PRKD1: variants seen among roughly 807,000 people sequenced by gnomAD.
PRKD1 encodes the protein protein kinase D1, also known as serine/threonine-protein kinase D1.
A neutral mutation model predicts 95.9 loss-of-function variants in PRKD1; 63 were observed. That is an observed-to-expected ratio of 0.66 (90% CI 0.54 to 0.81). The LOEUF (loss-of-function observed/expected upper bound fraction) is 0.81, where lower values mean the gene tolerates loss of function less well. Among genes scored for constraint, PRKD1 ranks in the 30% least tolerant of loss-of-function variants. The pLI is 0.00. For missense variants in PRKD1, 1,048 were observed against 1,165.3 expected, an observed-to-expected ratio of 0.90 and a Z score of 1.47; for synonymous variants, 425 against 423.1, an observed-to-expected ratio of 1.00 and a Z score of -0.05.
At chr14:29,609,502 GCGTGCACAC>G (rs1878275180) in intron 13 of PRKD1, among the ~76,000 whole-genome samples, 1 of 76,020 alleles carries the variant, frequency 1.3e-5, no homozygotes, top group East Asian at 4.1e-4. Flanking sequence ...GTGTGTGTGT[GCGTGCACAC>G]ACACACACAC....
intron 2 of PRKD1, among the ~76,000 whole-genome samples, chr14:29,690,782 C>T (rs545894918): frequency 6.6e-6 from 1 of 152,320 alleles, no homozygotes; most frequent in South Asian, 2.1e-4. Flanking sequence ...TGTATGTGCA[C>T]TCTCTTGGTT....
intron 1 of PRKD1, among the ~76,000 whole-genome samples, chr14:29,728,707 T>G (rs993907650): frequency 6.6e-6 from 1 of 152,156 alleles, no homozygotes; most frequent in Non-Finnish European, 1.5e-5. Context: ...TTTTCCAGTT[T>G]GCAGCTATTA....
intron 2 of PRKD1, among the ~76,000 whole-genome samples, chr14:29,714,217 T>C (rs1885481305): frequency 6.6e-6 from 1 of 152,186 alleles, no homozygotes; most frequent in African/African-American, 2.4e-5. Flanking sequence ...GAATTTGTGC[T>C]GTAAGGAAAT....
At position 29,683,295 on chromosome 14, in the gene PRKD1, C is replaced by T. The variant is rs536006118; in HGVS notation, c.404-17087G>A. On this transcript the variant is annotated intron_variant, in intron 2 of 17. Coordinates refer to ENST00000331968, the MANE Select transcript of PRKD1 (RefSeq NM_002742.3). ...AATTGAAAAAAGCGGTCAACAGTGA[C>T]AATGAGCCCTTACAACTGACCAGGA... Among the ~76,000 whole-genome samples, 120 of 152,272 alleles carry T rather than the reference C, an allele frequency of 7.9e-4. 1 individual carries two copies. In the South Asian group the frequency reaches 0.025, roughly 31 times the overall value.
intron 4 of PRKD1, among the ~76,000 whole-genome samples, chr14:29,662,976 C>T (rs554809154): frequency 1.4e-3 from 204 of 148,828 alleles, no homozygotes; most frequent in Non-Finnish European, 2.5e-3. Context: ...TATTTTGTTT[C>T]GAATGTTTGG....
At chr14:29,611,683 C>A (rs943946645) in intron 13 of PRKD1, among the ~76,000 whole-genome samples, 2 of 151,128 alleles carry the variant, frequency 1.3e-5, no homozygotes, top group Non-Finnish European at 2.9e-5. Context: ...GACCCCCTTC[C>A]CTTCACACCA....
chr14:29,689,394 A>T (rs537243376), intron 2 of PRKD1, among the ~76,000 whole-genome samples: 257 of 152,350 alleles, frequency 1.7e-3, no homozygotes, highest in Admixed American at 4.2e-3. Context: ...AATACAAATC[A>T]AAATCTCAAT....
rs775376594 is a variant in PRKD1, at chr14:29,632,946, G to A, written c.1315C>T (p.Arg439Trp). ...MVHYTSKDTL[R>W]KRHYWRLDSK... Reference sequence around the variant, plus strand: ...TCCAATCTCCAATAGTGCCGTTTCCGCTGAAACAGAAGTTAGATCCAAGAT... The same window carrying A: ...TCCAATCTCCAATAGTGCCGTTTCCACTGAAACAGAAGTTAGATCCAAGAT... The change falls in exon 9 of 18, where the codon CGG becomes TGG. Residue 439 changes from arginine (R) to tryptophan (W), a missense_variant and splice_region_variant. Coordinates refer to ENST00000331968, the MANE Select transcript of PRKD1 (RefSeq NM_002742.3). 12 of 1,611,572 alleles carry A rather than the reference G, an allele frequency of 7.4e-6. No individual in the cohort carries two copies. The highest frequency in any genetic ancestry group is 1.7e-4 in the Middle Eastern group (1 of 6,052).
chr14:29,579,745 A>G (rs147265910), intron 16 of PRKD1, among the ~76,000 whole-genome samples: 1 of 152,318 alleles, frequency 6.6e-6, no homozygotes, highest in African/African-American at 2.4e-5. Context: ...GTAGAGTCAA[A>G]TATCAAACAA....
rs117183216 is a variant in PRKD1 at position 29,845,097 on chromosome 14, T to A, written c.264+82152A>T. Among the ~76,000 whole-genome samples, 1,244 of 152,310 alleles carry A rather than the reference T, an allele frequency of 8.2e-3. 7 individuals are homozygous for A. Among genetic ancestry groups the A allele is most frequent in the Admixed American group, 0.015 (222 of 15,288 alleles). On this transcript the variant is annotated intron_variant, in intron 1 of 17. Coordinates refer to ENST00000331968, the MANE Select transcript of PRKD1 (RefSeq NM_002742.3). ...AAAAGGAGACTAAATTAGGAAAGCA[T>A]CTAGTAGTCACTGCCAAGACTGTTT...
chr14:29,776,973 G>A (rs1888791787), intron 1 of PRKD1, among the ~76,000 whole-genome samples: 1 of 152,194 alleles, frequency 6.6e-6, no homozygotes, highest in South Asian at 2.1e-4. Flanking sequence ...AGCCAGAAGA[G>A]AGTGGGGGCC....
rs1459632932 is a variant in PRKD1 at position 29,712,455 on chromosome 14, G to A, written c.403+13081C>T. Among the ~76,000 whole-genome samples, 4 of 152,060 alleles carry A rather than the reference G, an allele frequency of 2.6e-5. No individual in the cohort carries two copies. The South Asian group carries it at 6.2e-4, about 24-fold the overall frequency. On this transcript the variant is annotated intron_variant, in intron 2 of 17. Coordinates refer to ENST00000331968, the MANE Select transcript of PRKD1 (RefSeq NM_002742.3). ...TTTTTCATTTTCTAGAAACTGAAAGGCTGAAATTGCTTTATAACATGAAAA... is the reference window on the plus strand; with the variant it reads ...TTTTTCATTTTCTAGAAACTGAAAGACTGAAATTGCTTTATAACATGAAAA...
intron 2 of PRKD1, among the ~76,000 whole-genome samples, chr14:29,682,978 G>C (rs1401054418): frequency 6.6e-6 from 1 of 152,172 alleles, no homozygotes; most frequent in Non-Finnish European, 1.5e-5. Context: ...AGGGGAGCCA[G>C]GCCTTGTGTA....
intron 2 of PRKD1, among the ~76,000 whole-genome samples, chr14:29,694,833 G>A (rs1051864398): frequency 6.6e-6 from 1 of 152,100 alleles, no homozygotes; most frequent in African/African-American, 2.4e-5. Context: ...TCCAGGTAAG[G>A]GGAATAGCAT....
chr14:29,699,780 ATTCTTTGT>A (rs1292363391), intron 2 of PRKD1, among the ~76,000 whole-genome samples: 1 of 152,118 alleles, frequency 6.6e-6, no homozygotes, highest in East Asian at 1.9e-4. Flanking sequence ...GGTATAACAC[ATTCTTTGT>A]TTTACTGATT....
chr14:29,857,146 G>A lies in PRKD1; in HGVS notation c.264+70103C>T, dbSNP rs145812917. Among the ~76,000 whole-genome samples, 1,243 of 152,224 alleles carry A rather than the reference G, an allele frequency of 8.2e-3. 7 individuals carry two copies. Among genetic ancestry groups the A allele is most frequent in the Admixed American group, 0.015 (223 of 15,278 alleles). On this transcript the variant is annotated intron_variant, in intron 1 of 17. Coordinates refer to ENST00000331968, the MANE Select transcript of PRKD1 (RefSeq NM_002742.3). ...TGTAGTAAAGACCAAATGGTATCAT[G>A]AATATATGTGAAATACTAGCATACT...
At chr14:29,865,650 C>G (rs1044884888) in intron 1 of PRKD1, among the ~76,000 whole-genome samples, 1 of 152,174 alleles carries the variant, frequency 6.6e-6, no homozygotes, top group African/African-American at 2.4e-5. Context: ...TCTTAGATTT[C>G]CCAGTCTCCA....
intron 1 of PRKD1, among the ~76,000 whole-genome samples, chr14:29,839,594 C>A (rs532820302): frequency 1.8e-4 from 27 of 152,230 alleles, no homozygotes; most frequent in African/African-American, 6.5e-4. Context: ...TGTCTCCATG[C>A]CACATTTCCC....
chr14:29,734,635 G>C (rs2139418923), intron 1 of PRKD1, among the ~76,000 whole-genome samples: 1 of 152,196 alleles, frequency 6.6e-6, no homozygotes, highest in East Asian at 1.9e-4. Context: ...AAACTCGAAT[G>C]TCTCTCAGCC....
Sources: allele counts gnomAD v4.1 joint callset (sites outside exome capture counted in the v4.1 genomes callset), GRCh38; gene constraint gnomAD v4.1.1; transcripts MANE v1.5; gene names NCBI Gene and HGNC (gene_info 2026-07-23, HGNC 2026-07-21).